AKAP9: variants seen among roughly 807,000 people sequenced by gnomAD.
The protein encoded by AKAP9 is A-kinase anchor protein 9.
Under a neutral mutation model 488.5 loss-of-function variants are expected in AKAP9, and 311 were observed. The observed-to-expected ratio is 0.64, with a 90% CI of 0.58 to 0.70. The LOEUF (loss-of-function observed/expected upper bound fraction) is 0.70. Among genes scored for constraint, AKAP9 ranks in the 30% least tolerant of loss-of-function variants. The pLI, the probability that AKAP9 is intolerant of heterozygous loss-of-function variation, is 0.00. For missense variants in AKAP9, 4,215 were observed against 4,374.5 expected (o/e 0.96, Z 1.03); for synonymous variants, 1,462 against 1,483.5 (o/e 0.99, Z 0.33).
In AKAP9 at chr7:92,084,701, G is replaced by C. The variant is rs184132850; in HGVS notation, c.8708G>C (p.Ser2903Thr). ...DAYQTREICS[S>T]DSGSDWGQGI... ...TACCAGACTAGAGAAATATGCTCCA[G>C]TGGTAAGTTATATAAATATTTGTAA... Residue 2903 changes from serine (S) to threonine (T), a missense_variant and splice_region_variant, in exon 34 of 50, where the codon AGT becomes ACT. Physicochemically the swap from Ser to Thr is moderately conservative, Grantham distance 58 (BLOSUM62 1). This residue lies in a region of AKAP9 where 1,476 missense variants were observed against 1,477.4 expected (regional missense o/e 1.00). Coordinates refer to ENST00000356239, the MANE Select transcript of AKAP9 (RefSeq NM_005751.5). 1 of 1,610,224 alleles carries C rather than the reference G, an allele frequency of 6.2e-7. No individual in the cohort carries two copies. Among genetic ancestry groups the C allele is most frequent in the Non-Finnish European group, 8.5e-7 (1 of 1,176,884 alleles).
At chr7:92,058,128 G>A (rs751985524) in intron 22 of AKAP9, 94 of 551,482 alleles carry the variant, frequency 1.7e-4, no homozygotes, top group Non-Finnish European at 3.2e-4. Context: ...TTAGAAAATT[G>A]ATAAAGCAAA....
At chr7:91,988,875 G>A (rs998258565) in intron 3 of AKAP9, among the ~76,000 whole-genome samples, 1 of 152,112 alleles carries the variant, frequency 6.6e-6, no homozygotes, top group African/African-American at 2.4e-5. Flanking sequence ...GTACACATGT[G>A]CCATGTTGGT....
intron 24 of AKAP9, among the ~76,000 whole-genome samples, chr7:92,062,799 G>T (rs976170117): frequency 9.2e-5 from 14 of 152,058 alleles, no homozygotes; most frequent in Admixed American, 5.9e-4. Flanking sequence ...GTAAGGTTTA[G>T]TTCTAATAGC....
intron 1 of AKAP9, among the ~76,000 whole-genome samples, chr7:91,967,249 AT>A (rs1794532043): frequency 6.6e-6 from 1 of 152,154 alleles, no homozygotes; most frequent in African/African-American, 2.4e-5. Context: ...GTATAAGATC[AT>A]ATTGTATGCA....
At chr7:92,051,818 C>T (rs913790010) in intron 21 of AKAP9, among the ~76,000 whole-genome samples, 2 of 152,142 alleles carry the variant, frequency 1.3e-5, no homozygotes, top group African/African-American at 4.8e-5. Flanking sequence ...ATATGTACTA[C>T]ATGTAATAAA....
At position 91,974,006 on chromosome 7, in the gene AKAP9, C is replaced by T. The variant is rs147555776; in HGVS notation, c.306+38C>T. On this transcript the variant is annotated intron_variant, in intron 2 of 49. Coordinates refer to ENST00000356239, the MANE Select transcript of AKAP9 (RefSeq NM_005751.5). The stretch of plus-strand genomic sequence containing the variant: ...CCAGATTTTTAATCATTATGGTTCT[C>T]GATGGAAAGTAGTCATAACAACAGT... 292 of 1,610,782 alleles carry T rather than the reference C, an allele frequency of 1.8e-4. No homozygotes were observed. The African/African-American group carries it at 3.2e-3, about 18-fold the overall frequency.
At chr7:92,071,170 T>C (rs1253653694) in intron 28 of AKAP9, among the ~76,000 whole-genome samples, 161 bp downstream of exon 28, 3 of 152,078 alleles carry the variant, frequency 2.0e-5, no homozygotes, top group Admixed American at 6.6e-5. Flanking sequence ...AGTAAACATA[T>C]GAGTAATTAA....
chr7:91,964,321 A>T (rs1034794917), intron 1 of AKAP9, among the ~76,000 whole-genome samples: 52 of 152,280 alleles, frequency 3.4e-4, no homozygotes, highest in South Asian at 1.9e-3. Flanking sequence ...TAATATACCT[A>T]CTACTGTGTC....
At chr7:92,056,494 G>A (rs1808805968) in intron 22 of AKAP9, among the ~76,000 whole-genome samples, 1 of 151,398 alleles carries the variant, frequency 6.6e-6, no homozygotes, top group African/African-American at 2.4e-5. Flanking sequence ...ATCTTGTATA[G>A]GTGTTTATTA....
At chr7:92,051,442 A>G (rs1320264034) in intron 21 of AKAP9, among the ~76,000 whole-genome samples, 1 of 152,238 alleles carries the variant, frequency 6.6e-6, no homozygotes, top group Non-Finnish European at 1.5e-5. Context: ...TTTGGAGAAT[A>G]AGGATACAAA....
intron 16 of AKAP9, among the ~76,000 whole-genome samples, chr7:92,032,598 G>T (rs1804458080): frequency 6.6e-6 from 1 of 151,998 alleles, no homozygotes; most frequent in African/African-American, 2.4e-5. Context: ...AATCCCAATG[G>T]AATATGTGCA....
rs565850417 is a variant in AKAP9 at position 92,002,323 on chromosome 7, A to G, written c.2406A>G (p.Arg802=). Reference sequence around the variant, plus strand: ...ATACTCCTGTTAGCCAAGAAGAAAGATTGATTTTCTTAGACTCCATTAAGT... The same window carrying G: ...ATACTCCTGTTAGCCAAGAAGAAAGGTTGATTTTCTTAGACTCCATTAAGT... ...KIHTPVSQEE[R]LIFLDSIKSK... Residue 802 remains arginine (R), a synonymous_variant, in exon 8 of 50, where the codon AGA becomes AGG. Transcript: ENST00000356239. 7.4e-6 allele frequency: 12 copies of G among 1,613,016 alleles called. No individual in the cohort carries two copies. In the Admixed American group the frequency reaches 1.0e-4, roughly 13 times the overall value.
intron 1 of AKAP9, among the ~76,000 whole-genome samples, chr7:91,942,754 A>AGTTTCTTTGTGT (rs1790935533): frequency 1.3e-5 from 2 of 152,164 alleles, no homozygotes; most frequent in Non-Finnish European, 2.9e-5. Flanking sequence ...ATACAATTCT[A>AGTTTCTTTGTGT]GTTTCTTTGT....
intron 9 of AKAP9, 141 bp from the exon 10 acceptor site, chr7:92,014,108 C>A (rs146043377): frequency 4.5e-6 from 3 of 671,846 alleles, no homozygotes; most frequent in African/African-American, 3.6e-5. Flanking sequence ...CAATGTTGAG[C>A]AATGGAAAAT....
intron 7 of AKAP9, among the ~76,000 whole-genome samples, chr7:91,997,384 T>G (rs1176168024): frequency 1.3e-5 from 2 of 152,202 alleles, no homozygotes; most frequent in African/African-American, 2.4e-5. Context: ...GTGGAAGAGT[T>G]TCCATTTGAG....
In AKAP9 at chr7:92,066,531, A is replaced by C; in HGVS notation, c.6315A>C (p.Glu2105Asp). 1 of 1,613,518 alleles carries C rather than the reference A, an allele frequency of 6.2e-7. No individual in the cohort carries two copies. Among genetic ancestry groups the C allele is most frequent in the Non-Finnish European group, 8.5e-7 (1 of 1,179,602 alleles). Residue 2105 changes from glutamate (E) to aspartate (D), a missense_variant, in exon 26 of 50, where the codon GAA becomes GAC. Transcript: ENST00000356239. ...TTCCTCGATTCCAGCCTATCAGTGA[A>C]CATCAAACTAGAGAGGTAAGAACTT... ...KVVPRFQPIS[E>D]HQTREVEQLA...
Position 92,107,498 on chromosome 7 carries a change from G to C in AKAP9, c.11546+76G>C, listed in dbSNP as rs572848110. 1.3e-4 allele frequency: 184 copies of C among 1,421,830 alleles called. No homozygotes were observed. In the African/African-American group the frequency reaches 2.3e-3, roughly 18 times the overall value. 88.1% of individuals were successfully genotyped at this position (1,421,830 alleles called of 1,614,324 possible). ...ACAGAGATAAATGGACATTTTTAGG[G>C]CTTTGACTTCTTTGCATTGAGATAG... is the stretch of plus-strand genomic sequence containing the variant. On this transcript the variant is annotated intron_variant, in intron 48 of 49. Coordinates refer to ENST00000356239, the MANE Select transcript of AKAP9 (RefSeq NM_005751.5).
At chr7:91,949,261 T>A (rs920214861) in intron 1 of AKAP9, among the ~76,000 whole-genome samples, 1 of 152,128 alleles carries the variant, frequency 6.6e-6, no homozygotes, top group African/African-American at 2.4e-5. Context: ...GGGATTATCT[T>A]CCATATATAT....
chr7:91,975,218 G>T (rs1045664822), intron 2 of AKAP9, among the ~76,000 whole-genome samples: 1 of 152,048 alleles, frequency 6.6e-6, no homozygotes, highest in East Asian at 1.9e-4. Flanking sequence ...TGTCCAGGCT[G>T]GTCTCGAATT....
Sources: gnomAD v4.1 joint callset for allele counts (sites outside exome capture counted in the v4.1 genomes callset) on GRCh38, gnomAD v4.1.1 for gene constraint, gnomAD v4.1.1 regional missense constraint, MANE v1.5 for transcripts, NCBI Gene and HGNC (gene_info 2026-07-23, HGNC 2026-07-21) for gene names.